Variants in SUCLG2 observed in about 807,000 individuals in gnomAD.
The protein encoded by SUCLG2 is succinate--CoA ligase [GDP-forming] subunit beta, mitochondrial.
A neutral mutation model predicts 47.9 loss-of-function variants in SUCLG2; 42 were observed. The observed-to-expected ratio is 0.88, with a 90% CI of 0.69 to 1.14. The LOEUF (loss-of-function observed/expected upper bound fraction) is 1.14. Among genes scored for constraint, SUCLG2 ranks in the 50% most tolerant of loss-of-function variants. The pLI, the probability that SUCLG2 is intolerant of heterozygous loss-of-function variation, is 0.00. For synonymous variants in SUCLG2, 195 were observed against 197.3 expected (o/e 0.99, Z 0.10); for missense variants, 571 against 525.9 (o/e 1.09, Z -0.84).
At chr3:67,474,084 G>A (rs925429394) in intron 9 of SUCLG2, among the ~76,000 whole-genome samples, 3 of 152,024 alleles carry the variant, frequency 2.0e-5, no homozygotes, top group African/African-American at 2.4e-5. Context: ...GGTGAAACCC[G>A]TCTTTACTAA....
intron 9 of SUCLG2, among the ~76,000 whole-genome samples, chr3:67,489,200 T>C (rs137976666): frequency 6.6e-6 from 1 of 152,074 alleles, no homozygotes; most frequent in African/African-American, 2.4e-5. Context: ...ATGGAACAAA[T>C]GTGAGGTGGG....
intron 2 of SUCLG2, among the ~76,000 whole-genome samples, chr3:67,540,883 C>T (rs1023641244): frequency 7.2e-5 from 11 of 152,206 alleles, no homozygotes; most frequent in Admixed American, 5.9e-4. Flanking sequence ...CTGCATCCTC[C>T]ACTAGTGATA....
intron 9 of SUCLG2, among the ~76,000 whole-genome samples, chr3:67,454,932 A>C (rs1224654900): frequency 6.7e-6 from 1 of 148,356 alleles, no homozygotes; most frequent in East Asian, 2.0e-4. Context: ...ACTGCACTCC[A>C]GCCTGGGCGA....
chr3:67,410,186 G>A (rs559677377), intron 9 of SUCLG2, among the ~76,000 whole-genome samples: 1 of 152,304 alleles, frequency 6.6e-6, no homozygotes, highest in Non-Finnish European at 1.5e-5. Context: ...GAGATCTATG[G>A]TCCTTCTTTA....
At chr3:67,479,290 T>TA (rs199827903) in intron 9 of SUCLG2, among the ~76,000 whole-genome samples, 8,755 of 141,820 alleles carry the variant, frequency 0.062, 401 homozygotes, top group East Asian at 0.25. Context: ...GCCATCAAAG[T>TA]AAAAAAAAAA....
chr3:67,599,636 T>TC (rs1342548718), intron 2 of SUCLG2, among the ~76,000 whole-genome samples: 2 of 151,608 alleles, frequency 1.3e-5, no homozygotes, highest in Admixed American at 1.3e-4. Context: ...ACTGTTATTT[T>TC]CCCCCTGTTA....
chr3:67,543,732 A>G (rs1308226095), intron 2 of SUCLG2, among the ~76,000 whole-genome samples: 1 of 152,230 alleles, frequency 6.6e-6, no homozygotes, highest in Non-Finnish European at 1.5e-5. Context: ...GCTAGGGAGT[A>G]GTATTATGGG....
rs1701027298 is a variant in SUCLG2, at chr3:67,637,328, A to G, written c.84+17175T>C. Reference sequence around the variant, plus strand: ...AGGAATATGACTCCTTTTGAAACCAACCAGGAGAAAACACTTATTCAGAAG... The same window carrying G: ...AGGAATATGACTCCTTTTGAAACCAGCCAGGAGAAAACACTTATTCAGAAG... On this transcript the variant is annotated intron_variant, in intron 1 of 10. Transcript: ENST00000307227. Among the ~76,000 whole-genome samples, 4 of 152,212 alleles carry G rather than the reference A, an allele frequency of 2.6e-5. No individual in the cohort carries two copies. The South Asian group carries it at 8.3e-4, about 31-fold the overall frequency.
intron 9 of SUCLG2, among the ~76,000 whole-genome samples, chr3:67,486,294 A>T (rs1705049730): frequency 6.6e-6 from 1 of 152,168 alleles, no homozygotes; most frequent in African/African-American, 2.4e-5. Context: ...AGAAAGAAAA[A>T]GAAAGAAGAA....
chr3:67,528,939 A>T (rs1706329119), intron 3 of SUCLG2, 148 bp downstream of exon 3: 2 of 557,286 alleles, frequency 3.6e-6, no homozygotes, highest in Non-Finnish European at 6.2e-6. Flanking sequence ...GCACTGCCAG[A>T]GCCCTCTACC....
intron 9 of SUCLG2, among the ~76,000 whole-genome samples, chr3:67,451,803 A>G (rs1704062604): frequency 6.6e-6 from 1 of 152,230 alleles, no homozygotes; most frequent in Admixed American, 6.5e-5. Context: ...AATGGACTTT[A>G]AAGATAATAT....
At chr3:67,420,994 G>T (rs528564350) in intron 9 of SUCLG2, among the ~76,000 whole-genome samples, 11 of 152,118 alleles carry the variant, frequency 7.2e-5, no homozygotes, top group African/African-American at 2.2e-4. Context: ...TTTATTAAGG[G>T]TGTTAGTCTG....
At chr3:67,495,232 T>G (rs750512498) in intron 9 of SUCLG2, among the ~76,000 whole-genome samples, 2 of 152,218 alleles carry the variant, frequency 1.3e-5, no homozygotes, top group African/African-American at 4.8e-5. Context: ...AACCAATGTT[T>G]CGACTGGCAC....
At chr3:67,450,317 C>G (rs1704026658) in intron 9 of SUCLG2, among the ~76,000 whole-genome samples, 1 of 152,196 alleles carries the variant, frequency 6.6e-6, no homozygotes, top group Non-Finnish European at 1.5e-5. Context: ...GCTGAAATTA[C>G]AGGCTCAAGC....
chr3:67,455,742 G>A (rs1704167773), intron 9 of SUCLG2, among the ~76,000 whole-genome samples: 1 of 151,948 alleles, frequency 6.6e-6, no homozygotes, highest in Non-Finnish European at 1.5e-5. Flanking sequence ...CAGAGAAAGT[G>A]AAAAAGCATG....
intron 2 of SUCLG2, among the ~76,000 whole-genome samples, chr3:67,594,119 G>C (rs1708240295): frequency 6.6e-6 from 1 of 152,204 alleles, no homozygotes; most frequent in Non-Finnish European, 1.5e-5. Context: ...GCCAAGCCCA[G>C]AGAGGGCCAC....
intron 9 of SUCLG2, among the ~76,000 whole-genome samples, chr3:67,414,883 C>T (rs1703005329): frequency 6.6e-6 from 1 of 152,132 alleles, no homozygotes; most frequent in African/African-American, 2.4e-5. Flanking sequence ...GAGATGCAAT[C>T]TTGGCTCTGT....
At chr3:67,577,928 G>A (rs1707784763) in intron 2 of SUCLG2, among the ~76,000 whole-genome samples, 1 of 152,140 alleles carries the variant, frequency 6.6e-6, no homozygotes, top group Non-Finnish European at 1.5e-5. Flanking sequence ...GATCTTAAGA[G>A]CAATAGGAAG....
At chr3:67,459,787 C>A (rs1704281625) in intron 9 of SUCLG2, among the ~76,000 whole-genome samples, 1 of 152,140 alleles carries the variant, frequency 6.6e-6, no homozygotes. Context: ...TAGGATGCTA[C>A]CAGGAGTCCA....
Sources: gnomAD v4.1 joint callset for allele counts (sites outside exome capture counted in the v4.1 genomes callset) on GRCh38, gnomAD v4.1.1 for gene constraint, MANE v1.5 for transcripts, NCBI Gene and HGNC (gene_info 2026-07-23, HGNC 2026-07-21) for gene names.